The following ACSM6 variants were observed in gnomAD, a reference collection of about 807,000 sequenced individuals.
ACSM6 encodes acyl-CoA synthetase medium chain family member 6, also known as acyl-coenzyme A synthetase ACSM6, mitochondrial.
ACSM6 carries 35 observed loss-of-function variants against 51.1 expected under a neutral mutation model. That is an observed-to-expected ratio of 0.69 (90% CI 0.52 to 0.91). The LOEUF (loss-of-function observed/expected upper bound fraction) is 0.91. ACSM6 is among the 40% of genes least tolerant of loss of function. ACSM6 has a pLI of 0.00. For synonymous variants in ACSM6, 172 were observed against 207.3 expected (o/e 0.83, Z 1.46); for missense variants, 509 against 584.1 (o/e 0.87, Z 1.32).
intron 4 of ACSM6, among the ~76,000 whole-genome samples, chr10:95,209,035 A>T (rs924634413): frequency 2.6e-5 from 4 of 152,106 alleles, no homozygotes; most frequent in Non-Finnish European, 4.4e-5. Flanking sequence ...ACAAGAAAAC[A>T]CATAAATTAT....
chr10:95,228,576 C>G (rs141523069), intron 10 of ACSM6, 68 bp from the exon 11 acceptor site: 1 of 1,480,398 alleles, frequency 6.8e-7, no homozygotes, highest in Admixed American at 2.2e-5. Context: ...CCAGAGTGCT[C>G]AATTCATATC....
chr10:95,208,476 C>G (rs1214763712), intron 4 of ACSM6, among the ~76,000 whole-genome samples: 2 of 152,094 alleles, frequency 1.3e-5, no homozygotes, highest in African/African-American at 4.8e-5. Context: ...TAAGTTTATA[C>G]AAAAGTAAAC....
intron 7 of ACSM6, 101 bp from the exon 8 acceptor site, chr10:95,214,751 T>C (rs1293264898): frequency 7.6e-7 from 1 of 1,322,188 alleles, no homozygotes; most frequent in Non-Finnish European, 1.0e-6. Context: ...GCATTTCCTG[T>C]ATTGGAATAA....
At chr10:95,228,674 G>C (rs1564593590) in exon 11 of ACSM6, 1 of 1,551,688 alleles carries the variant, frequency 6.4e-7, no homozygotes, top group Non-Finnish European at 8.7e-7. Context: ...TTCAGCAAGA[G>C]GCCACATGCT....
At chr10:95,199,461 A>G (rs113057520) in intron 2 of ACSM6, among the ~76,000 whole-genome samples, 1,866 of 152,242 alleles carry the variant, frequency 0.012, 53 homozygotes, top group African/African-American at 0.043. Flanking sequence ...CATGTCTAAA[A>G]CACCAAAAGC....
chr10:95,198,003 C>T (rs112170628), intron 2 of ACSM6, among the ~76,000 whole-genome samples: 2 of 152,360 alleles, frequency 1.3e-5, no homozygotes, highest in Admixed American at 6.5e-5. Flanking sequence ...CTGCACAACC[C>T]TAGATCCCTT....
intron 9 of ACSM6, 71 bp from the exon 10 acceptor site, chr10:95,225,219 A>T (rs1354755709): frequency 2.7e-6 from 3 of 1,119,632 alleles, no homozygotes; most frequent in Non-Finnish European, 3.9e-6. Context: ...TTAAGTTTAG[A>T]TCTTGTGGTG....
intron 8 of ACSM6, among the ~76,000 whole-genome samples, chr10:95,217,294 G>C (rs1296950933): frequency 2.0e-5 from 3 of 151,094 alleles, no homozygotes; most frequent in Non-Finnish European, 4.4e-5. Flanking sequence ...GTTGCAGTGA[G>C]CCAAGATCGC....
intron 3 of ACSM6, 70 bp from the exon 4 acceptor site, chr10:95,207,138 C>T (rs1175886601): frequency 3.4e-6 from 5 of 1,470,834 alleles, no homozygotes; most frequent in African/African-American, 1.4e-5. Flanking sequence ...TCCATGCCTG[C>T]CAGAATGCTT....
exon 5 of ACSM6, chr10:95,210,754 C>G: frequency 1.2e-6 from 2 of 1,613,984 alleles, no homozygotes; most frequent in Non-Finnish European, 1.7e-6. Context: ...GTCGAGTATT[C>G]CCAGTATGGT....
At chr10:95,224,219 T>C (rs2035018530) in intron 9 of ACSM6, among the ~76,000 whole-genome samples, 1 of 152,198 alleles carries the variant, frequency 6.6e-6, no homozygotes, top group Non-Finnish European at 1.5e-5. Flanking sequence ...GTAGTTTCCA[T>C]AGAAAAGTTT....
chr10:95,209,554 A>G (rs2034874805), intron 4 of ACSM6, among the ~76,000 whole-genome samples: 1 of 152,058 alleles, frequency 6.6e-6, no homozygotes, highest in Non-Finnish European at 1.5e-5. Flanking sequence ...GGTGTGGACC[A>G]TGGTGGTGGC....
intron 2 of ACSM6, among the ~76,000 whole-genome samples, chr10:95,196,418 C>G (rs535133514): frequency 6.6e-6 from 1 of 152,300 alleles, no homozygotes; most frequent in South Asian, 2.1e-4. Context: ...GTGCCCAAAA[C>G]GTCAGTCAGC....
chr10:95,228,559 G>A (rs1188438248), intron 10 of ACSM6, 85 bp from the exon 11 acceptor site: 2 of 1,391,268 alleles, frequency 1.4e-6, no homozygotes, highest in African/African-American at 1.5e-5. Flanking sequence ...GTCTCCCCTG[G>A]GGCTAGCCAG....
chr10:95,202,044 C>T (rs891189893), exon 3 of ACSM6: 10 of 1,551,416 alleles, frequency 6.4e-6, no homozygotes, highest in African/African-American at 2.7e-5. Flanking sequence ...GAGAAGAGGA[C>T]AAATGGAGCT....
chr10:95,212,096 A>T, intron 6 of ACSM6, 62 bp downstream of exon 6: 1 of 1,590,290 alleles, frequency 6.3e-7, no homozygotes, highest in Non-Finnish European at 8.6e-7. Flanking sequence ...ATTAGCAATG[A>T]CCCAGTGACT....
exon 6 of ACSM6, chr10:95,211,920 G>A (rs1564589265): frequency 6.2e-7 from 1 of 1,613,472 alleles, no homozygotes; most frequent in Non-Finnish European, 8.5e-7. Flanking sequence ...TGTGGAGTCT[G>A]GGTGATGCCT....
At chr10:95,197,850 C>T (rs915993757) in intron 2 of ACSM6, among the ~76,000 whole-genome samples, 5 of 152,214 alleles carry the variant, frequency 3.3e-5, no homozygotes, top group African/African-American at 1.2e-4. Flanking sequence ...TGGGGAGAAA[C>T]CTTGGACGAT....
At chr10:95,213,281 A>C (rs1470134703) in intron 7 of ACSM6, among the ~76,000 whole-genome samples, 1 of 151,734 alleles carries the variant, frequency 6.6e-6, no homozygotes, top group Admixed American at 6.6e-5. Flanking sequence ...CATTTTGAAG[A>C]AAAAAAAATG....
Sources: gnomAD v4.1 joint callset for allele counts (sites outside exome capture counted in the v4.1 genomes callset) on GRCh38, gnomAD v4.1.1 for gene constraint, MANE v1.5 for transcripts, NCBI Gene and HGNC (gene_info 2026-07-23, HGNC 2026-07-21) for gene names.